The following ADAMTS16 variants were observed in gnomAD, a reference collection of about 807,000 sequenced individuals.
The protein encoded by ADAMTS16 is ADAM metallopeptidase with thrombospondin type 1 motif 16.
Under a neutral mutation model 145.8 loss-of-function variants are expected in ADAMTS16, and 94 were observed. The observed-to-expected ratio is 0.64, with a 90% CI of 0.55 to 0.77. The LOEUF (loss-of-function observed/expected upper bound fraction) is 0.77. Ranked by LOEUF, ADAMTS16 falls within the 30% of genes least tolerant of loss-of-function variation. The pLI, the probability that ADAMTS16 is intolerant of heterozygous loss-of-function variation, is 0.00. For missense variants in ADAMTS16, 1,585 were observed against 1,591.5 expected, an observed-to-expected ratio of 1.00 and a Z score of 0.07; for synonymous variants, 659 against 604.3, an observed-to-expected ratio of 1.09 and a Z score of -1.33.
At chr5:5,246,395 CT>C (rs1188840117) in intron 17 of ADAMTS16, among the ~76,000 whole-genome samples, 1 of 152,128 alleles carries the variant, frequency 6.6e-6, no homozygotes, top group African/African-American at 2.4e-5. Flanking sequence ...CAATAATATT[CT>C]CTTCACCATC....
In ADAMTS16 at chr5:5,303,750, T is replaced by C. The variant is rs201332889; in HGVS notation, c.3170T>C (p.Val1057Ala). 6.2e-7 allele frequency: 1 copy of C among 1,611,488 alleles called. No individual in the cohort carries two copies. The highest frequency in any genetic ancestry group is 1.7e-5 in the Admixed American group (1 of 59,992). ...CHKPKKLQWL[V>A]SAWSQCSVTC... ...AAGCCCAAGAAGCTGCAGTGGCTGG[T>C]GTCCGCCTGGTCCCAGGTAGGTGCA... Residue 1057 changes from valine (V) to alanine (A), a missense_variant, in exon 20 of 23, where the codon GTG becomes GCG. Coordinates refer to ENST00000274181, the MANE Select transcript of ADAMTS16 (RefSeq NM_139056.4).
intron 17 of ADAMTS16, among the ~76,000 whole-genome samples, chr5:5,261,103 A>G (rs952693324): frequency 1.3e-5 from 2 of 152,190 alleles, no homozygotes; most frequent in Non-Finnish European, 2.9e-5. Flanking sequence ...TGTTAATATT[A>G]AATCAACACT....
Position 5,190,014 on chromosome 5 carries a change from G to A in ADAMTS16, c.1091G>A (p.Ser364Asn). ...ISHHADHTLS[S>N]FCQWQSGLMG... ...CACCACGCAGACCACACCTTAAGTA[G>A]CTTCTGCCAGTGGCAGTCTGGATTG... Residue 364 changes from serine (S) to asparagine (N), a missense_variant, in exon 7 of 23, where the codon AGC becomes AAC. By Grantham distance (46) the Ser-to-Asn change is conservative. Around this residue, in one of 3 missense-constraint regions of ADAMTS16, gnomAD observed 298 missense variants for 367.6 expected, o/e 0.81. Transcript: ENST00000274181. The A allele has an allele frequency of 6.2e-7, 1 of 1,612,648 alleles. No homozygotes were observed. The highest frequency in any genetic ancestry group is 8.5e-7 in the Non-Finnish European group (1 of 1,179,448).
intron 10 of ADAMTS16, among the ~76,000 whole-genome samples, chr5:5,212,332 G>A (rs377455787): frequency 2.6e-5 from 4 of 151,482 alleles, no homozygotes; most frequent in African/African-American, 4.8e-5. Flanking sequence ...CTCAGCCTCC[G>A]GAGTAGCTGG....
intron 2 of ADAMTS16, among the ~76,000 whole-genome samples, chr5:5,145,725 C>T (rs1048233420): frequency 5.9e-5 from 9 of 152,118 alleles, no homozygotes; most frequent in Non-Finnish European, 1.3e-4. Flanking sequence ...CCTTTTTATA[C>T]ACAATAAAAT....
intron 18 of ADAMTS16, among the ~76,000 whole-genome samples, chr5:5,277,983 A>T (rs527272001): frequency 1.3e-5 from 2 of 152,286 alleles, no homozygotes; most frequent in South Asian, 4.2e-4. Context: ...CTCTGTCTTA[A>T]AAAAAAGAAA....
At chr5:5,216,024 A>G (rs1413577768) in intron 10 of ADAMTS16, among the ~76,000 whole-genome samples, 1 of 150,858 alleles carries the variant, frequency 6.6e-6, no homozygotes, top group Non-Finnish European at 1.5e-5. Flanking sequence ...ATCTTTTTTG[A>G]ATAATGACTT....
intron 9 of ADAMTS16, among the ~76,000 whole-genome samples, chr5:5,203,435 G>A (rs1469143999): frequency 1.3e-5 from 2 of 152,178 alleles, no homozygotes; most frequent in African/African-American, 4.8e-5. Flanking sequence ...AATGAGCAAG[G>A]ATAAATGGCT....
intron 18 of ADAMTS16, among the ~76,000 whole-genome samples, chr5:5,271,863 T>C (rs1272148985): frequency 2.0e-5 from 3 of 152,188 alleles, no homozygotes; most frequent in African/African-American, 7.2e-5. Context: ...TTTGGATGGC[T>C]TATTCTTCTT....
intron 18 of ADAMTS16, among the ~76,000 whole-genome samples, chr5:5,268,503 C>G (rs1433143447): frequency 6.6e-6 from 1 of 152,200 alleles, no homozygotes; most frequent in African/African-American, 2.4e-5. Flanking sequence ...TCCAACGCAC[C>G]TACCTCTCTG....
intron 21 of ADAMTS16, 83 bp downstream of exon 21, chr5:5,306,811 C>G (rs1335153382): frequency 1.5e-6 from 2 of 1,339,898 alleles, no homozygotes; most frequent in East Asian, 2.5e-5. Context: ...GATGCTTCTG[C>G]GAGGGTGTTT....
rs560728790 is a variant in ADAMTS16 at position 5,140,359 on chromosome 5, G to A, written c.-109G>A. On this transcript the variant is annotated 5_prime_UTR_variant, in exon 1 of 23. Coordinates refer to ENST00000274181, the MANE Select transcript of ADAMTS16 (RefSeq NM_139056.4). ...ATAACCCCGGCGCGGCGGCGGAGTC[G>A]CTGTGGGGAATCCTCCCGCGCTCTG... 2.7e-6 allele frequency: 3 copies of A among 1,129,976 alleles called. No individual in the cohort carries two copies. The highest frequency in any genetic ancestry group is 3.8e-5 in the Admixed American group (1 of 26,456). 70.0% of individuals were successfully genotyped at this position (1,129,976 alleles called of 1,614,324 possible). A position where few individuals can be genotyped will look rare whatever the true frequency, so the allele number is the denominator to read the frequency against.
At chr5:5,296,740 C>G (rs540068663) in intron 18 of ADAMTS16, among the ~76,000 whole-genome samples, 1 of 152,100 alleles carries the variant, frequency 6.6e-6, no homozygotes, top group Non-Finnish European at 1.5e-5. Context: ...TTTGTGCTAT[C>G]GTTGGACATG....
chr5:5,292,234 G>A (rs1031129060), intron 18 of ADAMTS16, among the ~76,000 whole-genome samples: 2 of 152,160 alleles, frequency 1.3e-5, no homozygotes, highest in African/African-American at 2.4e-5. Context: ...AGTGGCTCAC[G>A]CCTGTAATCC....
chr5:5,220,347 G>C (rs1736563873), intron 10 of ADAMTS16, among the ~76,000 whole-genome samples: 1 of 149,216 alleles, frequency 6.7e-6, no homozygotes, highest in African/African-American at 2.5e-5. Flanking sequence ...TTTTAGTAGA[G>C]ACGGGTTTCA....
intron 18 of ADAMTS16, among the ~76,000 whole-genome samples, chr5:5,287,277 C>T (rs1193570545): frequency 2.0e-5 from 3 of 152,296 alleles, no homozygotes; most frequent in Non-Finnish European, 4.4e-5. Flanking sequence ...CGTGTGATGC[C>T]TTCACACCTG....
At chr5:5,241,843 C>CAG (rs1553993882) in intron 16 of ADAMTS16, among the ~76,000 whole-genome samples, 1 of 152,208 alleles carries the variant, frequency 6.6e-6, no homozygotes, top group Non-Finnish European at 1.5e-5. Context: ...GGAGAAGGTA[C>CAG]AGTCTAGACA....
chr5:5,143,988 G>A (rs978739891), intron 2 of ADAMTS16, among the ~76,000 whole-genome samples: 1 of 152,048 alleles, frequency 6.6e-6, no homozygotes, highest in African/African-American at 2.4e-5. Context: ...GGGGGGTGAG[G>A]GGCAAGGGGA....
chr5:5,303,510 T>C, intron 19 of ADAMTS16, 41 bp downstream of exon 19: 1 of 1,607,836 alleles, frequency 6.2e-7, no homozygotes, highest in South Asian at 1.1e-5. Flanking sequence ...GCAGGGCCCC[T>C]GCATGATCTG....
Sources: allele counts gnomAD v4.1 joint callset (sites outside exome capture counted in the v4.1 genomes callset), GRCh38; gene constraint gnomAD v4.1.1; regional missense constraint gnomAD v4.1.1; transcripts MANE v1.5; gene names NCBI Gene and HGNC (gene_info 2026-07-23, HGNC 2026-07-21).